Variants in IGSF5 observed in about 807,000 individuals in gnomAD.
IGSF5 encodes the protein immunoglobulin superfamily 5 like.
In IGSF5, 41 loss-of-function variants were observed where a neutral mutation model predicts 39.4. The observed-to-expected ratio is 1.04, with a 90% CI of 0.81 to 1.35. The LOEUF (loss-of-function observed/expected upper bound fraction) is 1.35, where lower values mean the gene tolerates loss of function less well. IGSF5 is among the 40% of genes most tolerant of loss of function. The pLI, the probability that IGSF5 is intolerant of heterozygous loss-of-function variation, is 0.00. For synonymous variants in IGSF5, 183 were observed against 175.3 expected (o/e 1.04, Z -0.34); for missense variants, 487 against 494.6 (o/e 0.98, Z 0.15).
intron 5 of IGSF5, among the ~76,000 whole-genome samples, chr21:39,786,531 A>G (rs2086921210): frequency 1.4e-5 from 2 of 146,786 alleles, no homozygotes; most frequent in Admixed American, 6.8e-5. Context: ...TAGTTCAACC[A>G]TTGTGGAAGT....
rs370841311 is a variant in IGSF5 at position 39,765,751 on chromosome 21, C to T, written c.317C>T (p.Ser106Leu). 1.3e-5 allele frequency: 21 copies of T among 1,614,084 alleles called. No homozygotes were observed. Among genetic ancestry groups the T allele is most frequent in the Middle Eastern group, 1.6e-4 (1 of 6,062 alleles). ...QRYDQGGNFT[S>L]EMIIHNVEPS... Reference sequence around the variant, plus strand: ...TACGACCAGGGCGGGAACTTCACCTCGGAGATGATCATCCACAATGTGGAG... The same window carrying T: ...TACGACCAGGGCGGGAACTTCACCTTGGAGATGATCATCCACAATGTGGAG... The change falls in exon 3 of 9, where the codon TCG becomes TTG. Residue 106 changes from serine to leucine, a missense_variant. Coordinates refer to ENST00000380588, the MANE Select transcript of IGSF5 (RefSeq NM_001080444.2).
chr21:39,757,687 C>T (rs142348411), intron 2 of IGSF5, among the ~76,000 whole-genome samples: 6,312 of 151,828 alleles, frequency 0.042, 436 homozygotes, highest in African/African-American at 0.14. Flanking sequence ...AGCGATTCTC[C>T]TGCCTCAGCC....
rs1453847098 is a variant in IGSF5 at position 39,765,535 on chromosome 21, G to A, written c.101G>A (p.Gly34Asp). The A allele has an allele frequency of 1.2e-6, 2 of 1,609,860 alleles. No homozygotes were observed. Among genetic ancestry groups the A allele is most frequent in the Admixed American group, 3.3e-5 (2 of 59,912 alleles). ...LRWWQTAVVD[G>D]SGSGNEVIEG... ...ACTTGAAAAATTGGCTACCTTCCAG[G>A]TTCTGGGTCTGGTAATGAAGTCATA... Residue 34 changes from glycine (G) to aspartate (D), a missense_variant and splice_region_variant, in exon 3 of 9, where the codon GGT (glycine) becomes GAT (aspartate). Coordinates refer to ENST00000380588, the MANE Select transcript of IGSF5 (RefSeq NM_001080444.2).
At chr21:39,712,657 A>G in the IGSF5 span, among the ~76,000 whole-genome samples, 2 of 151,990 alleles carry the variant, frequency 1.3e-5, no homozygotes, top group African/African-American at 4.8e-5. Flanking sequence ...TGCTTCGTTC[A>G]TGGGTTCATT....
the IGSF5 span, among the ~76,000 whole-genome samples, chr21:39,732,440 A>G: frequency 6.6e-6 from 1 of 152,206 alleles, no homozygotes; most frequent in Non-Finnish European, 1.5e-5. Flanking sequence ...CATTGTTCTA[A>G]CCTGCTTTCT....
At chr21:39,788,406 T>C (rs1415244299) in intron 6 of IGSF5, among the ~76,000 whole-genome samples, 4 of 152,220 alleles carry the variant, frequency 2.6e-5, no homozygotes, top group Admixed American at 2.6e-4. Context: ...TGCCACTGCC[T>C]ACCTTTGACT....
At chr21:39,758,297 C>G (rs1293903051) in intron 2 of IGSF5, among the ~76,000 whole-genome samples, 1 of 152,160 alleles carries the variant, frequency 6.6e-6, no homozygotes, top group African/African-American at 2.4e-5. Flanking sequence ...CCCATTTCCT[C>G]CTGCATTGAC....
At chr21:39,777,571 TC>T (rs1322645645) in intron 4 of IGSF5, among the ~76,000 whole-genome samples, 1 of 151,976 alleles carries the variant, frequency 6.6e-6, no homozygotes, top group African/African-American at 2.4e-5. Flanking sequence ...GTTCCTTCCA[TC>T]TTCACCATTT....
Position 39,765,805 on chromosome 21 carries a change from G to C in IGSF5, c.371G>C (p.Ser124Thr). 6.2e-7 allele frequency: 1 copy of C among 1,614,092 alleles called. No individual in the cohort carries two copies. Among genetic ancestry groups the C allele is most frequent in the East Asian group, 2.2e-5 (1 of 44,846 alleles). Residue 124 changes from serine to threonine, a missense_variant, in exon 3 of 9, where the codon AGC becomes ACC. Transcript: ENST00000380588. ...AGTGATTCGGGGAACATCAGATGCA[G>C]CCTCCAGAACAGTCGCCTGCATGGA... Reference protein sequence around the residue: ...EPSDSGNIRCSLQNSRLHGSA... With the variant: ...EPSDSGNIRCTLQNSRLHGSA...
intron 2 of IGSF5, among the ~76,000 whole-genome samples, chr21:39,746,993 G>C (rs1268293375): frequency 6.6e-6 from 1 of 152,214 alleles, no homozygotes; most frequent in East Asian, 1.9e-4. Context: ...CACTTGGCTT[G>C]GTTAGTTGCT....
chr21:39,712,101 G>A, the IGSF5 span, among the ~76,000 whole-genome samples: 1 of 152,166 alleles, frequency 6.6e-6, no homozygotes, highest in African/African-American at 2.4e-5. Flanking sequence ...CATACTCATG[G>A]TAGACCTTCT....
chr21:39,741,243 GCTTT>G (rs2079947687), upstream of IGSF5, among the ~76,000 whole-genome samples: 1 of 152,162 alleles, frequency 6.6e-6, no homozygotes, highest in South Asian at 2.1e-4. Context: ...ATGGGTATTG[GCTTT>G]CTGAGTTTCC....
At chr21:39,724,062 T>A in the IGSF5 span, among the ~76,000 whole-genome samples, 1 of 140,832 alleles carries the variant, frequency 7.1e-6, no homozygotes, top group African/African-American at 2.7e-5. Context: ...TAAGACCCTG[T>A]CTCAAAAAAT....
chr21:39,785,791 T>G (rs1260626640), intron 5 of IGSF5, among the ~76,000 whole-genome samples: 2 of 152,112 alleles, frequency 1.3e-5, no homozygotes, highest in African/African-American at 4.8e-5. Flanking sequence ...TAAGCTGGAT[T>G]CCTAGGTATT....
intron 5 of IGSF5, among the ~76,000 whole-genome samples, chr21:39,787,749 G>A (rs1429794159): frequency 6.6e-6 from 1 of 152,054 alleles, no homozygotes; most frequent in Non-Finnish European, 1.5e-5. Context: ...CTAGTACTTT[G>A]CACAGAGCCC....
At chr21:39,745,602 A>C in intron 1 of IGSF5, 76 bp downstream of exon 1, 1 of 703,950 alleles carries the variant, frequency 1.4e-6, no homozygotes, top group Non-Finnish European at 2.6e-6. Context: ...TACTGCTGGG[A>C]GGTTGGGACG....
At chr21:39,765,416 C>CT in intron 2 of IGSF5, 119 bp from the exon 3 acceptor site, 1 of 853,324 alleles carries the variant, frequency 1.2e-6, no homozygotes, top group Non-Finnish European at 1.8e-6. Flanking sequence ...AAGACACAGT[C>CT]TGAGTCACTG....
At chr21:39,730,449 G>T in the IGSF5 span, 1 of 152,030 alleles carries the variant, frequency 6.6e-6, no homozygotes, top group African/African-American at 2.4e-5. Flanking sequence ...TGTCTTTTTT[G>T]GGGGCCACAA....
At chr21:39,719,696 TCTCA>T in the IGSF5 span, among the ~76,000 whole-genome samples, 2 of 152,202 alleles carry the variant, frequency 1.3e-5, no homozygotes, top group African/African-American at 4.8e-5. Context: ...ATCACACCAC[TCTCA>T]CTAAGGGTCA....
Sources: allele counts gnomAD v4.1 joint callset (sites outside exome capture counted in the v4.1 genomes callset), GRCh38; gene constraint gnomAD v4.1.1; transcripts MANE v1.5; gene names NCBI Gene and HGNC (gene_info 2026-07-23, HGNC 2026-07-21).